The following FOXN3 variants were observed in gnomAD, a reference collection of about 807,000 sequenced individuals.
The protein encoded by FOXN3 is forkhead box N3.
In FOXN3, 7 loss-of-function variants were observed where a neutral mutation model predicts 38.4. That is an observed-to-expected ratio of 0.18 (90% confidence interval 0.10 to 0.34). The LOEUF (loss-of-function observed/expected upper bound fraction) is 0.34. Among genes scored for constraint, FOXN3 ranks in the 10% least tolerant of loss-of-function variants. FOXN3 has a pLI of 1.00. For synonymous variants in FOXN3, 230 were observed against 242.2 expected (o/e 0.95, Z 0.47); for missense variants, 456 against 613.4 (o/e 0.74, Z 2.71).
intron 3 of FOXN3, among the ~76,000 whole-genome samples, chr14:89,342,920 G>C (rs773644854): frequency 1.3e-5 from 2 of 152,288 alleles, no homozygotes; most frequent in Middle Eastern, 3.4e-3. Context: ...CAAATATGTT[G>C]CTTTCAAGTA....
chr14:89,341,101 T>C (rs551878046), intron 3 of FOXN3, among the ~76,000 whole-genome samples: 2 of 152,178 alleles, frequency 1.3e-5, no homozygotes, highest in East Asian at 3.9e-4. Context: ...ACCCTGCAGT[T>C]CTCCAGTAAG....
chr14:89,286,730 C>A (rs1277176021), intron 3 of FOXN3, among the ~76,000 whole-genome samples: 5 of 152,166 alleles, frequency 3.3e-5, no homozygotes, highest in African/African-American at 1.2e-4. Flanking sequence ...AACAGGGGCT[C>A]TCTGAGTGAA....
chr14:89,600,684 C>T (rs949682165), intron 1 of FOXN3, among the ~76,000 whole-genome samples: 1 of 152,160 alleles, frequency 6.6e-6, no homozygotes, highest in Non-Finnish European at 1.5e-5. Flanking sequence ...AGAGACTACT[C>T]AGTGGCTCAT....
intron 4 of FOXN3, among the ~76,000 whole-genome samples, chr14:89,271,703 G>A (rs1566943731): frequency 6.6e-6 from 1 of 152,084 alleles, no homozygotes; most frequent in Non-Finnish European, 1.5e-5. Flanking sequence ...GAACTGTGTA[G>A]GAACGAGGAG....
At chr14:89,381,428 C>T (rs1457126886) in intron 2 of FOXN3, among the ~76,000 whole-genome samples, 2 of 150,704 alleles carry the variant, frequency 1.3e-5, no homozygotes, top group African/African-American at 4.9e-5. Flanking sequence ...CCATAAGAGC[C>T]CTCTCCAACT....
intron 2 of FOXN3, among the ~76,000 whole-genome samples, chr14:89,392,564 G>T (rs554751074): frequency 6.6e-6 from 1 of 151,688 alleles, no homozygotes; most frequent in African/African-American, 2.4e-5. Context: ...TCCTAGGCTT[G>T]CAGAGCCATC....
intron 1 of FOXN3, among the ~76,000 whole-genome samples, chr14:89,456,726 A>C (rs933298452): frequency 6.6e-6 from 1 of 152,224 alleles, no homozygotes; most frequent in Non-Finnish European, 1.5e-5. Context: ...ACTGCACTCC[A>C]GCCTGGGTGA....
At chr14:89,261,645 T>G (rs1035137851) in intron 4 of FOXN3, among the ~76,000 whole-genome samples, 4 of 151,100 alleles carry the variant, frequency 2.6e-5, no homozygotes, top group African/African-American at 9.7e-5. Flanking sequence ...AATACAAAAA[T>G]TAGGCCAGGC....
intron 5 of FOXN3, among the ~76,000 whole-genome samples, chr14:89,173,376 C>T (rs1278955201): frequency 2.0e-5 from 3 of 152,202 alleles, no homozygotes; most frequent in Non-Finnish European, 4.4e-5. Context: ...TAATTGGAAA[C>T]AAGCACTTTA....
intron 1 of FOXN3, among the ~76,000 whole-genome samples, chr14:89,521,358 T>TAGATAGATAGAG (rs554058509): frequency 8.0e-6 from 1 of 125,060 alleles, no homozygotes; most frequent in African/African-American, 2.7e-5. Flanking sequence ...AGATGATAGA[T>TAGATAGATAGAG]AGAGAGAGAG....
chr14:89,607,416 G>A (rs1039791123), intron 1 of FOXN3, among the ~76,000 whole-genome samples: 14 of 152,052 alleles, frequency 9.2e-5, no homozygotes, highest in South Asian at 2.1e-4. Context: ...AAAATGAGCC[G>A]GGCATGGTGG....
intron 2 of FOXN3, among the ~76,000 whole-genome samples, chr14:89,368,383 C>G (rs984786184): frequency 6.6e-6 from 1 of 151,438 alleles, no homozygotes; most frequent in Non-Finnish European, 1.5e-5. Context: ...TGGCTCATAC[C>G]TATAATCCCA....
intron 1 of FOXN3, among the ~76,000 whole-genome samples, chr14:89,485,122 A>G (rs1163742826): frequency 2.1e-5 from 3 of 145,342 alleles, no homozygotes; most frequent in Non-Finnish European, 4.5e-5. Flanking sequence ...ACTGCACTCC[A>G]GCCTAGGTGA....
At chr14:89,333,904 C>T (rs903698300) in intron 3 of FOXN3, among the ~76,000 whole-genome samples, 2 of 145,548 alleles carry the variant, frequency 1.4e-5, no homozygotes, top group African/African-American at 5.1e-5. Context: ...TTCACAATAG[C>T]CAAAATATGG....
chr14:89,463,699 G>A (rs1033393844), intron 1 of FOXN3, among the ~76,000 whole-genome samples: 9 of 152,126 alleles, frequency 5.9e-5, no homozygotes, highest in African/African-American at 1.9e-4. Context: ...CATTGCTTCA[G>A]GGCCATAAGT....
At chr14:89,605,784 A>G (rs957881654) in intron 1 of FOXN3, among the ~76,000 whole-genome samples, 1 of 152,172 alleles carries the variant, frequency 6.6e-6, no homozygotes, top group Non-Finnish European at 1.5e-5. Flanking sequence ...ATACTCTATT[A>G]AACACAAAAG....
chr14:89,175,061 G>C (rs1296323612), intron 5 of FOXN3, among the ~76,000 whole-genome samples: 2 of 152,220 alleles, frequency 1.3e-5, no homozygotes, highest in African/African-American at 4.8e-5. Flanking sequence ...CTTCTCAAGG[G>C]AGGAGATAAA....
At chr14:89,419,102 T>C (rs553714068), upstream of FOXN3, 1 of 456,036 alleles carries the variant, frequency 2.2e-6, no homozygotes, top group South Asian at 1.5e-5. Context: ...TCATTCCATG[T>C]GTGTTTTTGC....
At chr14:89,461,279 T>A (rs907799107) in intron 1 of FOXN3, among the ~76,000 whole-genome samples, 1 of 149,472 alleles carries the variant, frequency 6.7e-6, no homozygotes, top group South Asian at 2.2e-4. Context: ...GGAGGTTGCA[T>A]TGAGCCGAGA....
Sources: gnomAD v4.1 joint callset for allele counts (sites outside exome capture counted in the v4.1 genomes callset) on GRCh38, gnomAD v4.1.1 for gene constraint, MANE v1.5 for transcripts, NCBI Gene and HGNC (gene_info 2026-07-23, HGNC 2026-07-21) for gene names.